Variants in CSMD3 observed in about 807,000 individuals in gnomAD.
CSMD3 encodes the protein CUB and sushi domain-containing protein 3.
CSMD3 carries 177 observed loss-of-function variants against 435.2 expected under a neutral mutation model. That is an observed-to-expected ratio of 0.41 (90% confidence interval 0.36 to 0.46). CSMD3 has a LOEUF of 0.46. Ranked by LOEUF, CSMD3 falls within the 20% of genes least tolerant of loss-of-function variation. CSMD3 has a pLI of 0.34. For missense variants in CSMD3, 4,265 were observed against 4,504.6 expected (o/e 0.95, Z 1.52); for synonymous variants, 1,656 against 1,520.5 (o/e 1.09, Z -2.07).
intron 32 of CSMD3, among the ~76,000 whole-genome samples, chr8:112,465,016 T>C (rs1358127540): frequency 1.3e-5 from 2 of 152,190 alleles, no homozygotes; most frequent in African/African-American, 4.8e-5. Flanking sequence ...GCTTGACAAA[T>C]TAGGACTCTA....
At chr8:112,838,453 G>A (rs2080090172) in intron 11 of CSMD3, among the ~76,000 whole-genome samples, 1 of 151,724 alleles carries the variant, frequency 6.6e-6, no homozygotes, top group South Asian at 2.1e-4. Flanking sequence ...GGATAACAGG[G>A]CAGGGTTAGA....
chr8:113,165,549 C>T (rs970142784), intron 4 of CSMD3, among the ~76,000 whole-genome samples: 4 of 151,984 alleles, frequency 2.6e-5, no homozygotes, highest in South Asian at 2.1e-4. Context: ...AAGAGACTGA[C>T]GTTTTTCTTT....
chr8:112,378,737 T>C (rs1274394426), intron 38 of CSMD3, among the ~76,000 whole-genome samples: 2 of 152,146 alleles, frequency 1.3e-5, no homozygotes, highest in Non-Finnish European at 2.9e-5. Flanking sequence ...TGATGTTTGA[T>C]AAGCAGGGTG....
chr8:112,564,392 TCTC>T (rs1828905860), intron 24 of CSMD3, among the ~76,000 whole-genome samples: 1 of 147,916 alleles, frequency 6.8e-6, no homozygotes, highest in South Asian at 2.2e-4. Context: ...TTCCCTCTCT[TCTC>T]CTCTCCTCTC....
chr8:113,394,666 G>A (rs898450647), intron 1 of CSMD3, among the ~76,000 whole-genome samples: 1 of 152,082 alleles, frequency 6.6e-6, no homozygotes, highest in Non-Finnish European at 1.5e-5. Context: ...GATCTTTGAT[G>A]CTTTTGGACT....
At chr8:112,924,492 C>T (rs1209242940) in intron 9 of CSMD3, among the ~76,000 whole-genome samples, 5 of 152,036 alleles carry the variant, frequency 3.3e-5, no homozygotes, top group Non-Finnish European at 5.9e-5. Context: ...TAGTTCTAAC[C>T]AGGCTCTTCT....
At position 113,370,847 on chromosome 8, in the gene CSMD3, C is replaced by T. The variant is rs539396206; in HGVS notation, c.179-56054G>A. ...TTTGCCTGTTAAAAAAAATCTGCAG[C>T]TCTGAAGAGTTTGGTTGTATCATGA... On this transcript the variant is annotated intron_variant, in intron 1 of 70. Coordinates refer to ENST00000297405, the MANE Select transcript of CSMD3 (RefSeq NM_198123.2). Among the ~76,000 whole-genome samples, 9 of 152,102 alleles carry T rather than the reference C, an allele frequency of 5.9e-5. No individual in the cohort carries two copies. In the East Asian group the frequency reaches 1.7e-3, roughly 29 times the overall value.
chr8:112,239,318 G>A (rs965468093), intron 66 of CSMD3, among the ~76,000 whole-genome samples: 1 of 151,790 alleles, frequency 6.6e-6, no homozygotes, highest in African/African-American at 2.4e-5. Context: ...TTTCCTTTTC[G>A]CATGGGTTAT....
At chr8:112,818,234 A>G (rs973173704) in intron 12 of CSMD3, among the ~76,000 whole-genome samples, 22 of 152,240 alleles carry the variant, frequency 1.4e-4, no homozygotes, top group Admixed American at 1.3e-3. Context: ...AGAATGTTCC[A>G]TAACATGTTA....
At chr8:112,616,637 G>A (rs1719605004) in intron 22 of CSMD3, among the ~76,000 whole-genome samples, 1 of 152,082 alleles carries the variant, frequency 6.6e-6, no homozygotes, top group African/African-American at 2.4e-5. Flanking sequence ...CATGGATTCA[G>A]ACAGTTTATT....
At chr8:112,955,899 G>A (rs1480413327) in intron 7 of CSMD3, among the ~76,000 whole-genome samples, 3 of 151,702 alleles carry the variant, frequency 2.0e-5, no homozygotes, top group South Asian at 2.1e-4. Context: ...ATTTCTGAAC[G>A]TCATTCTAAG....
At chr8:113,144,252 T>A (rs1432930506) in intron 4 of CSMD3, among the ~76,000 whole-genome samples, 2 of 151,398 alleles carry the variant, frequency 1.3e-5, no homozygotes, top group Non-Finnish European at 3.0e-5. Context: ...TTTCTCTCAG[T>A]CATCATTGTT....
rs143470806 is a variant in CSMD3, at chr8:112,949,274, C to G, written c.1421-1397G>C. The stretch of plus-strand genomic sequence containing the variant: ...GGATTTTGCATGTTTTTACAGCATT[C>G]TAAAAAAATAATTTTCTTAGTATTA... On this transcript the variant is annotated intron_variant, in intron 8 of 70. Transcript: ENST00000297405. Among the ~76,000 whole-genome samples the G allele has an allele frequency of 3.0e-4, 46 of 152,092 alleles. No homozygotes were observed. The East Asian group carries it at 8.5e-3, about 28-fold the overall frequency.
At chr8:112,689,361 A>T (rs964742947) in intron 14 of CSMD3, among the ~76,000 whole-genome samples, 9 of 151,962 alleles carry the variant, frequency 5.9e-5, no homozygotes, top group African/African-American at 2.2e-4. Context: ...TTTTAATCCA[A>T]GCATATTGTA....
intron 59 of CSMD3, among the ~76,000 whole-genome samples, chr8:112,269,564 A>T (rs1260961755): frequency 6.6e-6 from 1 of 152,148 alleles, no homozygotes; most frequent in Non-Finnish European, 1.5e-5. Context: ...TCTTCTTCCC[A>T]AAACACCATA....
At chr8:112,254,010 C>T (rs542759662) in intron 63 of CSMD3, among the ~76,000 whole-genome samples, 1 of 151,856 alleles carries the variant, frequency 6.6e-6, no homozygotes, top group Non-Finnish European at 1.5e-5. Flanking sequence ...TTCCTATGCT[C>T]ACTGCTATTT....
At chr8:112,511,795 G>C in intron 28 of CSMD3, among the ~76,000 whole-genome samples, 1 of 152,124 alleles carries the variant, frequency 6.6e-6, no homozygotes, top group Non-Finnish European at 1.5e-5. Flanking sequence ...GAACTTCTTG[G>C]AGACACTCCT....
chr8:113,317,843 T>C (rs2093921312), intron 1 of CSMD3, among the ~76,000 whole-genome samples: 1 of 152,174 alleles, frequency 6.6e-6, no homozygotes, highest in Non-Finnish European at 1.5e-5. Context: ...TTTTTCTGAA[T>C]TGTTATATCT....
In CSMD3 at chr8:113,091,125, A is replaced by G. The variant is rs529059058; in HGVS notation, c.917+7631T>C. Among the ~76,000 whole-genome samples the G allele has an allele frequency of 1.7e-4, 26 of 152,288 alleles. No homozygotes were observed. The South Asian group carries it at 5.4e-3, about 32-fold the overall frequency. On this transcript the variant is annotated intron_variant, in intron 5 of 70. Transcript: ENST00000297405. ...AGTAATAGGTTAATAAATTACAGAAAAAAAAATATGCCAAGCATTAGAAAT... is the reference window on the plus strand; with the variant it reads ...AGTAATAGGTTAATAAATTACAGAAGAAAAAATATGCCAAGCATTAGAAAT...
Sources: allele counts gnomAD v4.1 joint callset (sites outside exome capture counted in the v4.1 genomes callset), GRCh38; gene constraint gnomAD v4.1.1; transcripts MANE v1.5; gene names NCBI Gene and HGNC (gene_info 2026-07-23, HGNC 2026-07-21).